ARHGAP26: variants seen among roughly 807,000 people sequenced by gnomAD.
ARHGAP26 encodes the protein rho GTPase-activating protein 26.
In ARHGAP26, 38 loss-of-function variants were observed where a neutral mutation model predicts 104.8. That is an observed-to-expected ratio of 0.36 (90% confidence interval 0.28 to 0.48). The LOEUF (loss-of-function observed/expected upper bound fraction) is 0.48. Ranked by LOEUF, ARHGAP26 falls within the 20% of genes least tolerant of loss-of-function variation. The pLI, the probability that ARHGAP26 is intolerant of heterozygous loss-of-function variation, is 0.99. For missense variants in ARHGAP26, 704 were observed against 947.9 expected (o/e 0.74, Z 3.38); for synonymous variants, 341 against 340.0 (o/e 1.00, Z -0.03).
chr5:143,162,956 A>T (rs1001669365), intron 20 of ARHGAP26, among the ~76,000 whole-genome samples: 3 of 146,230 alleles, frequency 2.1e-5, no homozygotes. Context: ...CATCTCTATT[A>T]AAAAAAAAAA....
chr5:143,180,506 A>G (rs534782388), intron 20 of ARHGAP26, among the ~76,000 whole-genome samples: 3 of 152,228 alleles, frequency 2.0e-5, no homozygotes, highest in Admixed American at 6.5e-5. Flanking sequence ...TGTCACTGCT[A>G]TAAAGAAATA....
At chr5:143,084,186 G>T (rs939386143) in intron 17 of ARHGAP26, among the ~76,000 whole-genome samples, 13 of 152,036 alleles carry the variant, frequency 8.6e-5, no homozygotes, top group African/African-American at 2.9e-4. Context: ...GTAAGATTTG[G>T]GATCATAACT....
rs115056565 is a variant in ARHGAP26, at chr5:142,878,162, C to T, written c.313-1212C>T. 4.9e-3 allele frequency among the ~76,000 whole-genome samples: 741 copies of T among 152,288 alleles called. 5 individuals are homozygous for T. Among genetic ancestry groups the T allele is most frequent in the Non-Finnish European group, 8.5e-3 (576 of 68,032 alleles). On this transcript the variant is annotated intron_variant, in intron 3 of 22. Transcript: ENST00000645722. ...ACCCGGTTAGTTTCATTGCAGTGGA[C>T]ATGCATGTGGTTTAGGAAAAATAAT...
chr5:143,217,241 C>T (rs1364257288), intron 22 of ARHGAP26, among the ~76,000 whole-genome samples: 1 of 152,094 alleles, frequency 6.6e-6, no homozygotes, highest in South Asian at 2.1e-4. Flanking sequence ...AATCTTGAAG[C>T]CTTTGGATTC....
intron 1 of ARHGAP26, among the ~76,000 whole-genome samples, chr5:142,815,305 T>C (rs1764889100): frequency 1.3e-5 from 2 of 152,254 alleles, no homozygotes; most frequent in Non-Finnish European, 2.9e-5. Context: ...CCTTCCAAAG[T>C]GCTGGGATTA....
chr5:142,899,681 A>T (rs1760009250), intron 6 of ARHGAP26, among the ~76,000 whole-genome samples: 1 of 151,790 alleles, frequency 6.6e-6, no homozygotes, highest in Non-Finnish European at 1.5e-5. Flanking sequence ...TTCATTTCCC[A>T]CTTTGTAATA....
At chr5:142,773,587 A>G (rs1386680458) in intron 1 of ARHGAP26, among the ~76,000 whole-genome samples, 2 of 152,216 alleles carry the variant, frequency 1.3e-5, no homozygotes, top group South Asian at 2.1e-4. Flanking sequence ...AAGTGAAAAC[A>G]TTGCCAGTTG....
At position 143,144,952 on chromosome 5, in the gene ARHGAP26, C is replaced by T. The variant is rs76869088; in HGVS notation, c.1838-2279C>T. The stretch of plus-strand genomic sequence containing the variant: ...ATGATGAGACCTTTCTTCTACAAAA[C>T]TGTAGTCGTTTTATAGTCAGGGAAT... On this transcript the variant is annotated intron_variant, in intron 19 of 22. Coordinates refer to ENST00000645722, the MANE Select transcript of ARHGAP26 (RefSeq NM_001135608.3). Among the ~76,000 whole-genome samples the T allele has an allele frequency of 1.7e-3, 258 of 152,294 alleles. 6 individuals carry two copies. In the East Asian group the frequency reaches 0.04, roughly 24 times the overall value.
chr5:142,904,754 T>C (rs970164374), intron 8 of ARHGAP26, among the ~76,000 whole-genome samples: 3 of 152,222 alleles, frequency 2.0e-5, no homozygotes, highest in African/African-American at 4.8e-5. Flanking sequence ...CTTTAGTGGG[T>C]AATTCTTCTC....
intron 1 of ARHGAP26, among the ~76,000 whole-genome samples, chr5:142,823,901 T>C (rs1334847569): frequency 6.6e-6 from 1 of 152,188 alleles, no homozygotes; most frequent in Non-Finnish European, 1.5e-5. Context: ...GAATTTTCAC[T>C]TTTTAAAAGT....
At chr5:143,106,991 T>C (rs1178961287) in intron 17 of ARHGAP26, among the ~76,000 whole-genome samples, 1 of 152,246 alleles carries the variant, frequency 6.6e-6, no homozygotes, top group East Asian at 1.9e-4. Context: ...GGTTTTGTCA[T>C]ATACCTCTGT....
At chr5:143,024,513 T>C (rs1339216572) in intron 12 of ARHGAP26, among the ~76,000 whole-genome samples, 1 of 152,170 alleles carries the variant, frequency 6.6e-6, no homozygotes, top group African/African-American at 2.4e-5. Context: ...GCTACATCTT[T>C]AACCCCTAAA....
intron 11 of ARHGAP26, among the ~76,000 whole-genome samples, chr5:142,998,645 T>G (rs989740177): frequency 2.0e-5 from 3 of 152,070 alleles, no homozygotes; most frequent in African/African-American, 7.2e-5. Flanking sequence ...TTAAACCACA[T>G]TGTTCAGTGA....
chr5:142,953,004 C>T (rs372222722), intron 11 of ARHGAP26, among the ~76,000 whole-genome samples: 1 of 152,134 alleles, frequency 6.6e-6, no homozygotes, highest in Non-Finnish European at 1.5e-5. Context: ...TCACAGCACC[C>T]GGCCCCAACT....
At chr5:143,220,652 C>T (rs1369225381) in intron 22 of ARHGAP26, among the ~76,000 whole-genome samples, 1 of 152,182 alleles carries the variant, frequency 6.6e-6, no homozygotes, top group Non-Finnish European at 1.5e-5. Context: ...ACTTCTCTCC[C>T]AGACTGTCTC....
At chr5:143,015,103 G>A (rs1292216265) in intron 12 of ARHGAP26, among the ~76,000 whole-genome samples, 1 of 151,986 alleles carries the variant, frequency 6.6e-6, no homozygotes, top group East Asian at 1.9e-4. Flanking sequence ...GCCTGCTGTG[G>A]GTAGGTTGAG....
intron 20 of ARHGAP26, among the ~76,000 whole-genome samples, chr5:143,186,892 T>G (rs1049267463): frequency 1.3e-5 from 2 of 152,228 alleles, no homozygotes; most frequent in African/African-American, 4.8e-5. Flanking sequence ...CAATTCTGTC[T>G]TCATTTTCAC....
intron 13 of ARHGAP26, among the ~76,000 whole-genome samples, chr5:143,040,681 C>T (rs1034158390): frequency 4.6e-5 from 7 of 152,142 alleles, no homozygotes; most frequent in African/African-American, 1.4e-4. Flanking sequence ...TAGATTGAAG[C>T]GGTTGCATTT....
At chr5:143,011,303 C>CTTTTTTTTTTT (rs58841045) in intron 11 of ARHGAP26, among the ~76,000 whole-genome samples, 5 of 110,960 alleles carry the variant, frequency 4.5e-5, no homozygotes, top group African/African-American at 7.0e-5. Flanking sequence ...TAAACCCCCG[C>CTTTTTTTTTTT]TTTTTTTTTT....
Sources: gnomAD v4.1 joint callset for allele counts (sites outside exome capture counted in the v4.1 genomes callset) on GRCh38, gnomAD v4.1.1 for gene constraint, MANE v1.5 for transcripts, NCBI Gene and HGNC (gene_info 2026-07-23, HGNC 2026-07-21) for gene names.